The following FGF13 variants were observed in gnomAD, a reference collection of about 807,000 sequenced individuals.
FGF13 encodes fibroblast growth factor 13, also known as fibroblast growth factor homologous factor 2.
FGF13 carries 2 observed loss-of-function variants against 19.5 expected under a neutral mutation model. The observed-to-expected ratio is 0.10, with a 90% CI of 0.04 to 0.32. The LOEUF is 0.32. FGF13 is among the 10% of genes least tolerant of loss of function. The probability of loss-of-function intolerance (pLI) is 1.00; values close to 1 mark genes in which losing one functional copy is unlikely to be tolerated. For synonymous variants in FGF13, 72 were observed against 76.9 expected, an observed-to-expected ratio of 0.94 and a Z score of 0.33; for missense variants, 113 against 192.7, an observed-to-expected ratio of 0.59 and a Z score of 2.45.
chrX:139,046,828 C>T (rs780638938), intron 1 of FGF13, among the ~76,000 whole-genome samples: 5 of 111,303 alleles, frequency 4.5e-5, no homozygotes, highest in Non-Finnish European at 9.4e-5. Flanking sequence ...TCCTCAAATT[C>T]GATATTTATA....
chrX:138,986,212 T>C (rs944715316), intron 1 of FGF13, among the ~76,000 whole-genome samples: 1 of 111,279 alleles, frequency 9.0e-6, no homozygotes, highest in African/African-American at 3.3e-5. Context: ...AATGTACCAA[T>C]GGTAGGATTG....
chrX:138,944,076 G>A (rs1245455962), intron 1 of FGF13, among the ~76,000 whole-genome samples: 1 of 111,112 alleles, frequency 9.0e-6, no homozygotes, highest in African/African-American at 3.3e-5. Flanking sequence ...TTTATGGAAT[G>A]CCTATACAAT....
intron 3 of FGF13, among the ~76,000 whole-genome samples, chrX:138,830,640 GTTTGGAAAA>G (rs1396774951): frequency 9.3e-6 from 1 of 107,905 alleles, no homozygotes; most frequent in Non-Finnish European, 1.9e-5. Flanking sequence ...GAACAGAAAA[GTTTGGAAAA>G]TTTGCAACCT....
intron 3 of FGF13, among the ~76,000 whole-genome samples, chrX:138,807,657 TAA>T (rs2090881256): frequency 9.0e-6 from 1 of 111,506 alleles, no homozygotes; most frequent in South Asian, 3.8e-4. Context: ...GAAAACTGGA[TAA>T]AGAGTCAAGA....
intron 1 of FGF13, among the ~76,000 whole-genome samples, chrX:139,050,262 T>A (rs2092299918): frequency 8.9e-6 from 1 of 112,011 alleles, no homozygotes; most frequent in East Asian, 2.8e-4. Flanking sequence ...GGTAATCAAC[T>A]TTCTTTCTCC....
intron 1 of FGF13, among the ~76,000 whole-genome samples, chrX:138,978,326 G>A (rs1303143252): frequency 4.0e-5 from 4 of 100,761 alleles, no homozygotes; most frequent in Non-Finnish European, 7.9e-5. Flanking sequence ...GCAGTGGCGC[G>A]ATCTCGGCTC....
chrX:138,972,274 G>A (rs192808720), intron 1 of FGF13, among the ~76,000 whole-genome samples: 4,597 of 99,992 alleles, frequency 0.046, 256 homozygotes, highest in African/African-American at 0.16. Context: ...TTTTTGAGAA[G>A]TTTCCATACT....
rs919559781 is a variant in FGF13, at chrX:138,629,187, T to G, written c.*3663A>C. 1 of 111,989 alleles carries G rather than the reference T, an allele frequency of 8.9e-6. No individual in the cohort carries two copies. Among genetic ancestry groups the G allele is most frequent in the African/African-American group, 3.2e-5 (1 of 30,787 alleles). The allele number at this position is 111,989 out of a possible 1,213,427, so 9.2% of individuals were successfully genotyped here. A position where few individuals can be genotyped will look rare whatever the true frequency, so the allele number is the denominator to read the frequency against. ...GTGATTCAGGTACACATAAAAAGCT[T>G]GAGGACTACCACTCTACTGCAATGT... On this transcript the variant is annotated 3_prime_UTR_variant, in exon 5 of 5. Coordinates refer to ENST00000315930, the MANE Select transcript of FGF13 (RefSeq NM_004114.5).
At chrX:139,065,902 A>C (rs1210330676) in intron 1 of FGF13, among the ~76,000 whole-genome samples, 9 of 111,592 alleles carry the variant, frequency 8.1e-5, no homozygotes, top group Non-Finnish European at 1.3e-4. Flanking sequence ...CTTATTCTAA[A>C]ATTGCCCACA....
chrX:139,164,108 T>TTA (rs397955175), intron 1 of FGF13, among the ~76,000 whole-genome samples: 1 of 95,057 alleles, frequency 1.1e-5, no homozygotes. Context: ...TTTTTTTTTT[T>TTA]ATTATTATTA....
intron 3 of FGF13, among the ~76,000 whole-genome samples, chrX:138,694,737 T>C (rs922860962): frequency 9.1e-6 from 1 of 109,632 alleles, no homozygotes; most frequent in African/African-American, 3.3e-5. Context: ...TGGCCTCCCA[T>C]AGTGCTGGGA....
At chrX:138,991,203 G>A (rs1309547518) in intron 1 of FGF13, among the ~76,000 whole-genome samples, 1 of 112,061 alleles carries the variant, frequency 8.9e-6, no homozygotes, top group East Asian at 2.8e-4. Flanking sequence ...TGAGAACCCT[G>A]GGAGAAATAT....
chrX:138,984,147 C>A (rs1329266758), intron 1 of FGF13, among the ~76,000 whole-genome samples: 1 of 111,244 alleles, frequency 9.0e-6, no homozygotes, highest in African/African-American at 3.3e-5. Context: ...GTGGCTCACA[C>A]CTGTAATCAC....
At chrX:138,839,951 A>T (rs749689939) in intron 3 of FGF13, among the ~76,000 whole-genome samples, 2 of 112,075 alleles carry the variant, frequency 1.8e-5, no homozygotes, top group East Asian at 5.6e-4. Context: ...AAATATCTAC[A>T]TTCTAGCATT....
At position 139,013,310 on chromosome X, in the gene FGF13, T is replaced by C. The variant is rs185525533; in HGVS notation, c.-112-148660A>G. Among the ~76,000 whole-genome samples the C allele has an allele frequency of 2.8e-5, 3 of 107,455 alleles. No homozygotes were observed. The East Asian group carries it at 8.9e-4, about 32-fold the overall frequency. 93.3% of individuals were successfully genotyped at this position (107,455 alleles called of 115,157 possible). Reference sequence around the variant, plus strand: ...AATTCCTTAAAGAACTAAAAGTAGATCTACCATTTGATCCAGCAATCCCAC... The same window carrying C: ...AATTCCTTAAAGAACTAAAAGTAGACCTACCATTTGATCCAGCAATCCCAC... On this transcript the variant is annotated intron_variant, in intron 1 of 2. Coordinates refer to the FGF13 transcript ENST00000421460.
chrX:138,676,905 T>C (rs957275112), intron 3 of FGF13, among the ~76,000 whole-genome samples: 7 of 112,372 alleles, frequency 6.2e-5, no homozygotes, highest in Non-Finnish European at 1.3e-4. Context: ...GGTTATATTA[T>C]CTGAATTATA....
At chrX:138,943,961 T>A (rs4829948) in intron 1 of FGF13, among the ~76,000 whole-genome samples, 1 of 110,098 alleles carries the variant, frequency 9.1e-6, no homozygotes, top group Non-Finnish European at 1.9e-5. Flanking sequence ...GAACTGGATA[T>A]TTGTACTATT....
chrX:139,187,996 T>A (rs142560171), intron 1 of FGF13, among the ~76,000 whole-genome samples: 200 of 112,231 alleles, frequency 1.8e-3, no homozygotes, highest in African/African-American at 5.8e-3. Flanking sequence ...TTCCTCTTCA[T>A]CAACTGACAA....
chrX:139,145,934 C>A (rs932371458), intron 1 of FGF13, among the ~76,000 whole-genome samples: 6 of 111,523 alleles, frequency 5.4e-5, no homozygotes, highest in Non-Finnish European at 1.1e-4. Flanking sequence ...AAAAAGGGAT[C>A]CAACCTTTCC....
Sources: gnomAD v4.1 joint callset for allele counts (sites outside exome capture counted in the v4.1 genomes callset) on GRCh38, gnomAD v4.1.1 for gene constraint, MANE v1.5 for transcripts, NCBI Gene and HGNC (gene_info 2026-07-23, HGNC 2026-07-21) for gene names.